The following MESP1 variants were observed in gnomAD, a reference collection of about 807,000 sequenced individuals.
MESP1 encodes mesoderm posterior bHLH transcription factor 1.
A neutral mutation model predicts 15.2 loss-of-function variants in MESP1; 22 were observed. That is an observed-to-expected ratio of 1.45 (90% CI 1.04 to 2.07). The LOEUF (loss-of-function observed/expected upper bound fraction) is 2.07. MESP1 is among the 30% of genes most tolerant of loss of function. The probability of loss-of-function intolerance (pLI) is 0.00; values close to 1 mark genes in which losing one functional copy is unlikely to be tolerated. For synonymous variants in MESP1, 216 were observed against 192.6 expected (o/e 1.12, Z -1.01); for missense variants, 484 against 411.9 (o/e 1.17, Z -1.51).
In MESP1 at chr15:89,750,913, G is replaced by T. The variant is rs747729321; in HGVS notation, c.319C>A (p.Arg107Ser). The T allele has an allele frequency of 2.0e-5, 30 of 1,486,276 alleles. No individual in the cohort carries two copies. Among genetic ancestry groups the T allele is most frequent in the East Asian group, 2.8e-5 (1 of 35,592 alleles). 92.1% of individuals were successfully genotyped at this position (1,486,276 alleles called of 1,614,324 possible). A position where few individuals can be genotyped will look rare whatever the true frequency, so the allele number is the denominator to read the frequency against. ...GGCGCCACGGACGGCGGTAGAAAGC[G>T]GCGCAGCTCGTGCAGGGCGCGGGCC... ...TLARALHELR[R>S]FLPPSVAPAG... is the part of the protein sequence containing the mutation. The change falls in exon 1 of 2, where the codon CGC becomes AGC. Residue 107 changes from arginine (R) to serine (S), a missense_variant. Physicochemically the swap from Arg to Ser is moderately radical, Grantham distance 110 (BLOSUM62 -1). Transcript: ENST00000300057.
chr15:89,733,904 C>A, the MESP1 span, among the ~76,000 whole-genome samples: 2 of 152,218 alleles, frequency 1.3e-5, no homozygotes, highest in Non-Finnish European at 2.9e-5. Context: ...GCTCATTTCT[C>A]CCACAGTAAA....
At chr15:89,741,526 C>A in the MESP1 span, among the ~76,000 whole-genome samples, 1 of 152,158 alleles carries the variant, frequency 6.6e-6, no homozygotes, top group African/African-American at 2.4e-5. Flanking sequence ...CCATTCTCAG[C>A]CTAAAAGAAA....
the MESP1 span, among the ~76,000 whole-genome samples, chr15:89,733,953 A>G: frequency 6.6e-6 from 1 of 152,146 alleles, no homozygotes. Context: ...TCTCTTTTAA[A>G]CATTTAAAAA....
the MESP1 span, chr15:89,737,566 T>C: frequency 6.2e-7 from 1 of 1,614,202 alleles, no homozygotes; most frequent in Non-Finnish European, 8.5e-7. Flanking sequence ...ATCTCTTTGC[T>C]TCCCAGGTGC....
At chr15:89,743,029 A>G in the MESP1 span, among the ~76,000 whole-genome samples, 2,556 of 152,264 alleles carry the variant, frequency 0.017, 87 homozygotes, top group African/African-American at 0.059. Flanking sequence ...CTTGTTTGCA[A>G]ATAGCCTTTT....
At chr15:89,735,484 C>CT in the MESP1 span, 1 of 1,614,040 alleles carries the variant, frequency 6.2e-7, no homozygotes, top group Non-Finnish European at 8.5e-7. Flanking sequence ...ATTTTCTGTC[C>CT]TATAGGCCTG....
downstream of MESP1, among the ~76,000 whole-genome samples, chr15:89,746,645 A>G (rs1367658992): frequency 2.9e-5 from 4 of 137,070 alleles, no homozygotes; most frequent in South Asian, 2.4e-4. Flanking sequence ...ACACACACAC[A>G]GAGCCCTACC....
chr15:89,733,311 A>G, the MESP1 span: 1 of 1,212,260 alleles, frequency 8.2e-7, no homozygotes, highest in South Asian at 1.4e-5. Context: ...CTCTGACTAC[A>G]GTCCACCTTT....
chr15:89,744,139 G>A, the MESP1 span, among the ~76,000 whole-genome samples: 1 of 152,232 alleles, frequency 6.6e-6, no homozygotes, highest in African/African-American at 2.4e-5. Context: ...GTCCCAGCCT[G>A]GTCCTAGGCC....
the MESP1 span, chr15:89,735,652 T>A: frequency 1.6e-6 from 2 of 1,282,602 alleles, no homozygotes; most frequent in East Asian, 4.7e-5. Context: ...TGAAGGCCTG[T>A]TATGTGTTAG....
downstream of MESP1, among the ~76,000 whole-genome samples, chr15:89,745,880 C>T (rs2093374220): frequency 2.5e-5 from 2 of 79,210 alleles, no homozygotes; most frequent in South Asian, 9.6e-4. The surrounding 1 kb of genome is among the most constrained non-coding windows in gnomAD (Gnocchi z 4.8). Context: ...CACACACCAA[C>T]ACCTCCACAC....
At chr15:89,743,484 C>T in the MESP1 span, 1 of 1,179,134 alleles carries the variant, frequency 8.5e-7, no homozygotes, top group Non-Finnish European at 1.2e-6. Context: ...GTAACAGAGC[C>T]ACAGCTCCAC....
At chr15:89,745,590 C>T (rs376348339), downstream of MESP1, among the ~76,000 whole-genome samples, 3 of 152,120 alleles carry the variant, frequency 2.0e-5, no homozygotes, top group East Asian at 5.8e-4. This position sits in a 1 kb window ranked among gnomAD's most constrained non-coding sequence, Gnocchi z 4.8. Context: ...GGTGAAACCC[C>T]GTCTCTACTA....
Position 89,750,568 on chromosome 15 carries a change from G to A in MESP1, c.664C>T (p.Leu222=), listed in dbSNP as rs2141755100. ...AAPEPRDPPA[L]FAEAACPEGQ... is the part of the protein sequence containing the mutation. ...TCAGGGCACGCCGCCTCGGCGAACA[G>A]CGCAGGCGGGTCGCGCGGCTCGGGT... Residue 222 remains leucine, a synonymous_variant, in exon 1 of 2, where the codon CTG becomes TTG. Coordinates refer to ENST00000300057, the MANE Select transcript of MESP1 (RefSeq NM_018670.4). The A allele has an allele frequency of 7.0e-7, 1 of 1,438,196 alleles. No individual in the cohort carries two copies. Among genetic ancestry groups the A allele is most frequent in the Non-Finnish European group, 9.1e-7 (1 of 1,104,532 alleles). 89.1% of individuals were successfully genotyped at this position (1,438,196 alleles called of 1,614,324 possible).
chr15:89,750,465 C>A (rs761744621), intron 1 of MESP1, 44 bp downstream of exon 1: 4 of 1,463,570 alleles, frequency 2.7e-6, no homozygotes, highest in Non-Finnish European at 3.6e-6. Flanking sequence ...TGGGGCTGTG[C>A]GCGGGGGCAC....
chr15:89,735,531 C>T, the MESP1 span: 1 of 1,614,198 alleles, frequency 6.2e-7, no homozygotes, highest in Non-Finnish European at 8.5e-7. Flanking sequence ...GCCGTGGCCC[C>T]AGTCCCAGCC....
the MESP1 span, chr15:89,737,685 C>T: frequency 6.2e-7 from 1 of 1,614,156 alleles, no homozygotes; most frequent in Non-Finnish European, 8.5e-7. Flanking sequence ...CCCTGGAAGC[C>T]AGTGTTTGCT....
At chr15:89,745,293 G>A (rs72754538), downstream of MESP1, among the ~76,000 whole-genome samples, 32,593 of 152,058 alleles carry the variant, frequency 0.21, 3,812 homozygotes, top group African/African-American at 0.28. The surrounding 1 kb of genome is among the most constrained non-coding windows in gnomAD (Gnocchi z 4.8). Context: ...TCCCACCAGC[G>A]GGACGAGGGA....
At chr15:89,733,429 G>T in the MESP1 span, among the ~76,000 whole-genome samples, 1 of 152,066 alleles carries the variant, frequency 6.6e-6, no homozygotes, top group Non-Finnish European at 1.5e-5. Flanking sequence ...CATCTGCTAT[G>T]GTTTGACTCT....
Sources: gnomAD v4.1 joint callset for allele counts (sites outside exome capture counted in the v4.1 genomes callset) on GRCh38, gnomAD v4.1.1 for gene constraint, Gnocchi (gnomAD v3.1) non-coding constraint, MANE v1.5 for transcripts, NCBI Gene and HGNC (gene_info 2026-07-23, HGNC 2026-07-21) for gene names.